The following GREB1L variants were observed in gnomAD, a reference collection of about 807,000 sequenced individuals.
The protein encoded by GREB1L is GREB1-like protein.
In GREB1L, 17 loss-of-function variants were observed where a neutral mutation model predicts 200.8. That is an observed-to-expected ratio of 0.08 (90% CI 0.06 to 0.13). The LOEUF (loss-of-function observed/expected upper bound fraction) is 0.13. Ranked by LOEUF, GREB1L falls within the 10% of genes least tolerant of loss-of-function variation. The pLI is 1.00. For missense variants in GREB1L, 1,657 were observed against 2,367.7 expected, an observed-to-expected ratio of 0.70 and a Z score of 6.23; for synonymous variants, 789 against 893.0, an observed-to-expected ratio of 0.88 and a Z score of 2.08.
chr18:21,484,662 C>CA (rs1393443728), intron 17 of GREB1L, among the ~76,000 whole-genome samples: 2 of 151,746 alleles, frequency 1.3e-5, no homozygotes, highest in East Asian at 1.9e-4. Context: ...CCTAAAAATG[C>CA]AAAAAAAGAA....
chr18:21,363,299 C>G (rs4800211), intron 1 of GREB1L, among the ~76,000 whole-genome samples: 4 of 105,576 alleles, frequency 3.8e-5, no homozygotes, highest in East Asian at 7.1e-4. Context: ...CCCCCCCCCC[C>G]CACACACACA....
Position 21,452,077 on chromosome 18 carries a change from T to C in GREB1L, c.1850-6T>C, listed in dbSNP as rs1482332053. The stretch of plus-strand genomic sequence containing the variant: ...TTGTAACCTTCTTATCTCTATTTTG[T>C]AATAGGCGATGACCTAGACAAGCTG... On this transcript the variant is annotated splice_region_variant and splice_polypyrimidine_tract_variant and intron_variant, in intron 13 of 32. Transcript: ENST00000424526. 3.1e-5 allele frequency: 48 copies of C among 1,551,530 alleles called. No homozygotes were observed. Among genetic ancestry groups the C allele is most frequent in the Non-Finnish European group, 4.0e-5 (46 of 1,146,846 alleles).
chr18:21,470,639 AT>A (rs1479589011), intron 15 of GREB1L, among the ~76,000 whole-genome samples: 1 of 152,242 alleles, frequency 6.6e-6, no homozygotes, highest in African/African-American at 2.4e-5. Context: ...CAGACATATT[AT>A]TAGTAAACAA....
At chr18:21,501,322 T>C (rs1162717852) in intron 23 of GREB1L, among the ~76,000 whole-genome samples, 2 of 151,918 alleles carry the variant, frequency 1.3e-5, no homozygotes, top group African/African-American at 4.8e-5. Context: ...TGTATACGTG[T>C]GCCATGGTGG....
rs2033896448 is a variant in GREB1L at position 21,441,456 on chromosome 18, A to G, written c.1126A>G (p.Arg376Gly). Residue 376 changes from arginine (R) to glycine (G), a missense_variant, in exon 10 of 33, where the codon AGG (arginine) becomes GGG (glycine). Arg to Gly is a moderately radical substitution (Grantham distance 125). Coordinates refer to ENST00000424526, the MANE Select transcript of GREB1L (RefSeq NM_001142966.3). The part of the protein sequence containing the change: ...QTPLTGILQP[R>G]PIPAGETVIV... ...CCCACTAACTGGAATTTTACAACCC[A>G]GGCCCATTCCTGCAGGGGAAACTGT... 3 of 1,551,398 alleles carry G rather than the reference A, an allele frequency of 1.9e-6. No individual in the cohort carries two copies. Among genetic ancestry groups the G allele is most frequent in the Non-Finnish European group, 2.6e-6 (3 of 1,146,892 alleles).
At chr18:21,389,391 C>T (rs1369473520) in intron 4 of GREB1L, among the ~76,000 whole-genome samples, 11 of 119,508 alleles carry the variant, frequency 9.2e-5, no homozygotes, top group African/African-American at 5.2e-4. Context: ...GCACAGGAAC[C>T]TCTTGACTTT....
intron 23 of GREB1L, among the ~76,000 whole-genome samples, chr18:21,502,683 C>T (rs1043750603): frequency 1.3e-5 from 2 of 152,154 alleles, no homozygotes; most frequent in Non-Finnish European, 2.9e-5. Flanking sequence ...ACTAGATCGT[C>T]GGGCCCACCA....
At chr18:21,253,466 G>GCCTCGAACTCCTGA (rs1401702198) in intron 1 of GREB1L, among the ~76,000 whole-genome samples, 2 of 152,086 alleles carry the variant, frequency 1.3e-5, no homozygotes, top group East Asian at 3.9e-4. Context: ...GGCCAGGCTG[G>GCCTCGAACTCCTGA]CCTCGAACTC....
chr18:21,404,605 A>T (rs1000329814), intron 7 of GREB1L, among the ~76,000 whole-genome samples: 1 of 152,202 alleles, frequency 6.6e-6, no homozygotes, highest in Non-Finnish European at 1.5e-5. Flanking sequence ...GCTTCTAAAA[A>T]TTCCTCCAGT....
intron 15 of GREB1L, among the ~76,000 whole-genome samples, chr18:21,467,649 T>C (rs959324626): frequency 6.6e-6 from 1 of 152,198 alleles, no homozygotes; most frequent in South Asian, 2.1e-4. Context: ...TTTAAAATGG[T>C]ACAGCCGCTT....
At chr18:21,437,016 T>C (rs531951015) in intron 7 of GREB1L, among the ~76,000 whole-genome samples, 45 of 152,118 alleles carry the variant, frequency 3.0e-4, no homozygotes, top group Non-Finnish European at 4.3e-4. Context: ...CAGCCAAGTT[T>C]AGTGGTAGAA....
chr18:21,347,203 A>G (rs1279706156), intron 1 of GREB1L, among the ~76,000 whole-genome samples: 2 of 151,180 alleles, frequency 1.3e-5, no homozygotes, highest in Non-Finnish European at 2.9e-5. Context: ...GCTTGAACCC[A>G]GGAGGCAGTG....
intron 1 of GREB1L, among the ~76,000 whole-genome samples, chr18:21,308,520 A>G (rs1411663609): frequency 6.6e-6 from 1 of 152,164 alleles, no homozygotes; most frequent in Admixed American, 6.5e-5. Flanking sequence ...CATCATCGTC[A>G]TTGGTCCATA....
Position 21,490,286 on chromosome 18 carries a change from G to C in GREB1L, c.2965G>C (p.Glu989Gln). The change falls in exon 19 of 33, where the codon GAG becomes CAG. Residue 989 changes from glutamate to glutamine, a missense_variant. This residue lies in a region of GREB1L where 512 missense variants were observed against 668.3 expected (regional missense o/e 0.77). Coordinates refer to ENST00000424526, the MANE Select transcript of GREB1L (RefSeq NM_001142966.3). ...RDKLGLQYRF[E>Q]IILGNPATEL... The stretch of plus-strand genomic sequence containing the variant: ...CAAACTGGGTCTGCAGTATCGGTTT[G>C]AGATCATCCTTGGGAACCCGGCCAC... 6.4e-7 allele frequency: 1 copy of C among 1,551,894 alleles called. No homozygotes were observed. The highest frequency in any genetic ancestry group is 8.7e-7 in the Non-Finnish European group (1 of 1,147,040).
At chr18:21,342,782 G>A (rs1186782458) in intron 1 of GREB1L, among the ~76,000 whole-genome samples, 2 of 152,130 alleles carry the variant, frequency 1.3e-5, no homozygotes, top group African/African-American at 4.8e-5. Flanking sequence ...AGGAAATTGT[G>A]CTGTGGGTTT....
intron 1 of GREB1L, among the ~76,000 whole-genome samples, chr18:21,267,143 AGGCTGG>A (rs2037982211): frequency 6.7e-6 from 1 of 148,948 alleles, no homozygotes; most frequent in Non-Finnish European, 1.5e-5. Flanking sequence ...TATGTTGGCC[AGGCTGG>A]TCTCAAACTC....
chr18:21,482,642 A>ATT (rs35313539), intron 17 of GREB1L, among the ~76,000 whole-genome samples: 89,331 of 117,938 alleles, frequency 0.76, 35,198 homozygotes, highest in East Asian at 0.88. Flanking sequence ...TAGATTACAG[A>ATT]TTTTTTTTTT....
At chr18:21,424,038 G>A (rs568169205) in intron 7 of GREB1L, among the ~76,000 whole-genome samples, 2 of 152,280 alleles carry the variant, frequency 1.3e-5, no homozygotes, top group South Asian at 4.1e-4. Flanking sequence ...CTAGATGTGA[G>A]CTTGAGGTAG....
chr18:21,390,419 G>C (rs544171898), intron 4 of GREB1L, among the ~76,000 whole-genome samples: 27 of 152,264 alleles, frequency 1.8e-4, no homozygotes, highest in African/African-American at 6.3e-4. Flanking sequence ...CCTTCCAGTA[G>C]GACAAGATAT....
Sources: allele counts gnomAD v4.1 joint callset (sites outside exome capture counted in the v4.1 genomes callset), GRCh38; gene constraint gnomAD v4.1.1; regional missense constraint gnomAD v4.1.1; transcripts MANE v1.5; gene names NCBI Gene and HGNC (gene_info 2026-07-23, HGNC 2026-07-21).